The following C10orf90 variants were observed in gnomAD, a reference collection of about 807,000 sequenced individuals.
C10orf90 encodes the protein chromosome 10 open reading frame 90.
A neutral mutation model predicts 62.5 loss-of-function variants in C10orf90; 56 were observed. The observed-to-expected ratio is 0.90, with a 90% CI of 0.72 to 1.12. The LOEUF is 1.12. C10orf90 is among the 50% of genes most tolerant of loss of function. C10orf90 has a pLI of 0.00. For synonymous variants in C10orf90, 386 were observed against 340.4 expected (o/e 1.13, Z -1.47); for missense variants, 970 against 880.4 (o/e 1.10, Z -1.29).
At chr10:126,489,997 T>TTA (rs1861639606) in intron 4 of C10orf90, among the ~76,000 whole-genome samples, 11 of 95,776 alleles carry the variant, frequency 1.1e-4, no homozygotes, top group Non-Finnish European at 1.6e-4. Flanking sequence ...ATAATATATA[T>TTA]TATATATTAT....
chr10:126,538,864 G>C (rs1021556756), intron 2 of C10orf90, among the ~76,000 whole-genome samples: 1 of 152,170 alleles, frequency 6.6e-6, no homozygotes, highest in African/African-American at 2.4e-5. Flanking sequence ...GTAGCTAAAA[G>C]CACAGCTAAT....
chr10:126,593,104 C>T (rs1238406691), intron 2 of C10orf90, among the ~76,000 whole-genome samples: 4 of 152,184 alleles, frequency 2.6e-5, no homozygotes, highest in Non-Finnish European at 5.9e-5. Context: ...TAAATCAATT[C>T]AACCATTGTG....
intron 2 of C10orf90, among the ~76,000 whole-genome samples, chr10:126,559,901 C>T (rs571804776): frequency 6.6e-6 from 1 of 152,132 alleles, no homozygotes; most frequent in South Asian, 2.1e-4. Context: ...GAAATTAGAC[C>T]CTCAAGAGTT....
intron 2 of C10orf90, among the ~76,000 whole-genome samples, chr10:126,524,344 T>G (rs527275096): frequency 2.6e-5 from 4 of 152,178 alleles, no homozygotes; most frequent in Non-Finnish European, 5.9e-5. Context: ...GTCTCTGTTG[T>G]GCAACCCAAA....
At chr10:126,548,461 G>C (rs1391056107) in intron 2 of C10orf90, among the ~76,000 whole-genome samples, 1 of 152,148 alleles carries the variant, frequency 6.6e-6, no homozygotes, top group Non-Finnish European at 1.5e-5. Context: ...CCGCCTCCCA[G>C]GTTCAAGCGA....
intron 2 of C10orf90, among the ~76,000 whole-genome samples, chr10:126,541,135 A>C (rs1269550471): frequency 4.6e-5 from 7 of 152,194 alleles, no homozygotes; most frequent in Non-Finnish European, 1.0e-4. Context: ...TGTATTACAC[A>C]CAAAAAATAA....
chr10:126,581,838 A>G (rs1591118789), intron 2 of C10orf90, among the ~76,000 whole-genome samples: 1 of 152,328 alleles, frequency 6.6e-6, no homozygotes, highest in African/African-American at 2.4e-5. Flanking sequence ...CACCAGTCAG[A>G]CAGGCGCCTG....
intron 3 of C10orf90, among the ~76,000 whole-genome samples, chr10:126,509,489 T>C (rs1424981279): frequency 1.3e-5 from 2 of 152,178 alleles, no homozygotes; most frequent in East Asian, 3.8e-4. Flanking sequence ...TAAATAGAAA[T>C]GACTCATTGT....
intron 2 of C10orf90, among the ~76,000 whole-genome samples, chr10:126,600,670 C>T (rs182189193): frequency 7.0e-4 from 106 of 152,158 alleles, no homozygotes; most frequent in Admixed American, 1.2e-3. Flanking sequence ...AAAATTGATA[C>T]GATGTATTAC....
At chr10:126,620,028 T>A (rs550664522) in intron 2 of C10orf90, among the ~76,000 whole-genome samples, 3 of 152,300 alleles carry the variant, frequency 2.0e-5, no homozygotes, top group Admixed American at 2.0e-4. Context: ...TTATCTAATA[T>A]ATATCATAGA....
chr10:126,601,767 G>A (rs544631472), intron 2 of C10orf90, among the ~76,000 whole-genome samples: 24 of 152,334 alleles, frequency 1.6e-4, no homozygotes, highest in African/African-American at 5.8e-4. Flanking sequence ...CTAAAGAATA[G>A]CGGGGACCCC....
At chr10:126,581,567 C>T (rs1844753356) in intron 2 of C10orf90, among the ~76,000 whole-genome samples, 1 of 152,094 alleles carries the variant, frequency 6.6e-6, no homozygotes, top group Admixed American at 6.6e-5. Context: ...CAGACCTTTG[C>T]CTTTCATCTT....
At chr10:126,521,215 A>G in intron 2 of C10orf90, 1 of 1,507,256 alleles carries the variant, frequency 6.6e-7, no homozygotes, top group Admixed American at 1.7e-5. Context: ...TACTGGGCCC[A>G]GAAGATACTC....
In C10orf90 at chr10:126,427,555, C is replaced by T. The variant is rs545861876; in HGVS notation, c.2253-1465G>A. Among the ~76,000 whole-genome samples the T allele has an allele frequency of 6.6e-5, 10 of 152,270 alleles. No homozygotes were observed. The South Asian group carries it at 8.3e-4, about 13-fold the overall frequency. ...TGGGCACCATCTAATCAGCTGCCAG[C>T]GTGGCTGGAATAAAGCAGGAGGAAG... On this transcript the variant is annotated intron_variant, in intron 8 of 9. Transcript: ENST00000488181.
chr10:126,630,491 A>T (rs1189846700), intron 2 of C10orf90, among the ~76,000 whole-genome samples: 1 of 152,152 alleles, frequency 6.6e-6, no homozygotes. Context: ...AGAAGAGCGC[A>T]GAGTGGGGGC....
chr10:126,572,114 A>G (rs7895945), intron 2 of C10orf90, among the ~76,000 whole-genome samples: 5,278 of 152,248 alleles, frequency 0.035, 306 homozygotes, highest in African/African-American at 0.12. Context: ...AGGAGGTTAA[A>G]GCATTCTTAG....
chr10:126,498,641 C>A (rs1403134826), intron 4 of C10orf90, among the ~76,000 whole-genome samples: 1 of 152,198 alleles, frequency 6.6e-6, no homozygotes, highest in South Asian at 2.1e-4. Context: ...AGCTTCTTCC[C>A]CCAGCTGCTG....
intron 2 of C10orf90, among the ~76,000 whole-genome samples, chr10:126,637,775 G>A (rs557793378): frequency 4.6e-5 from 7 of 152,274 alleles, no homozygotes; most frequent in South Asian, 2.1e-4. Context: ...CCAGGGCCTC[G>A]GGGCCTTTTG....
At chr10:126,449,107 C>A (rs1478133819) in intron 7 of C10orf90, among the ~76,000 whole-genome samples, 1 of 152,082 alleles carries the variant, frequency 6.6e-6, no homozygotes, top group Non-Finnish European at 1.5e-5. Flanking sequence ...CAGACCAATA[C>A]CCCTGATGAA....
Sources: gnomAD v4.1 joint callset for allele counts (sites outside exome capture counted in the v4.1 genomes callset) on GRCh38, gnomAD v4.1.1 for gene constraint, MANE v1.5 for transcripts, NCBI Gene and HGNC (gene_info 2026-07-23, HGNC 2026-07-21) for gene names.